FRMD5: variants seen among roughly 807,000 people sequenced by gnomAD.
FRMD5 encodes FERM domain-containing protein 5.
In FRMD5, 20 loss-of-function variants were observed where a neutral mutation model predicts 69.0. The ratio of observed to expected loss-of-function variants is 0.29; its 90% CI spans 0.20 to 0.42. The LOEUF (loss-of-function observed/expected upper bound fraction) is 0.42, where lower values mean the gene tolerates loss of function less well. Ranked by LOEUF, FRMD5 falls within the 10% of genes least tolerant of loss-of-function variation. FRMD5 has a pLI of 1.00. For synonymous variants in FRMD5, 271 were observed against 260.1 expected, an observed-to-expected ratio of 1.04 and a Z score of -0.40; for missense variants, 595 against 708.6, an observed-to-expected ratio of 0.84 and a Z score of 1.82.
At chr15:44,076,573 T>C (rs1893777039) in intron 1 of FRMD5, among the ~76,000 whole-genome samples, 1 of 144,746 alleles carries the variant, frequency 6.9e-6, no homozygotes, top group Admixed American at 7.2e-5. Flanking sequence ...AATTGAACTA[T>C]GAGATCACAT....
At chr15:43,925,068 A>C (rs1482273827) in intron 1 of FRMD5, among the ~76,000 whole-genome samples, 2 of 143,842 alleles carry the variant, frequency 1.4e-5, no homozygotes, top group Non-Finnish European at 3.0e-5. Flanking sequence ...GCAATAGCGC[A>C]GTCTTGGCTC....
rs1010537160 is a variant in FRMD5, at chr15:43,873,000, A to G, written c.*885T>C. 14 of 599,980 alleles carry G rather than the reference A, an allele frequency of 2.3e-5. No homozygotes were observed. Among genetic ancestry groups the G allele is most frequent in the Admixed American group, 9.9e-5 (3 of 30,316 alleles). The allele number at this position is 599,980 out of a possible 1,614,324, so 37.2% of individuals were successfully genotyped here. On this transcript the variant is annotated 3_prime_UTR_variant, in exon 14 of 14. Coordinates refer to ENST00000417257, the MANE Select transcript of FRMD5 (RefSeq NM_032892.5). ...CTTTCTCTTAACTACACTTTGTCCA[A>G]CATTTCTGACAGAACTATCTATCTC... is the stretch of plus-strand genomic sequence containing the variant.
chr15:43,967,731 T>G (rs2090316673), intron 1 of FRMD5, among the ~76,000 whole-genome samples: 1 of 152,152 alleles, frequency 6.6e-6, no homozygotes, highest in Non-Finnish European at 1.5e-5. Context: ...TCCTATTTTT[T>G]TTTGGTCTGA....
chr15:43,960,647 G>C (rs966775203), intron 1 of FRMD5, among the ~76,000 whole-genome samples: 2 of 152,148 alleles, frequency 1.3e-5, no homozygotes, highest in Non-Finnish European at 2.9e-5. Flanking sequence ...GCCTCCCAAA[G>C]TGCTGGGATT....
chr15:43,921,416 C>T (rs1201289727), intron 2 of FRMD5, among the ~76,000 whole-genome samples: 1 of 152,178 alleles, frequency 6.6e-6, no homozygotes, highest in East Asian at 1.9e-4. Context: ...TTCCCCTTGA[C>T]AATAGCTAGA....
At chr15:43,901,543 G>A (rs1160589750) in intron 7 of FRMD5, among the ~76,000 whole-genome samples, 1 of 152,292 alleles carries the variant, frequency 6.6e-6, no homozygotes, top group Non-Finnish European at 1.5e-5. Flanking sequence ...AAGCAACAGG[G>A]ACAGGAGGTA....
intron 1 of FRMD5, among the ~76,000 whole-genome samples, chr15:44,094,013 CT>C (rs1346652321): frequency 1.3e-5 from 2 of 152,118 alleles, no homozygotes; most frequent in Admixed American, 6.6e-5. Flanking sequence ...AAGACCATAC[CT>C]CCACATTGCA....
At chr15:43,891,729 C>A (rs1166525746) in intron 8 of FRMD5, among the ~76,000 whole-genome samples, 1 of 152,180 alleles carries the variant, frequency 6.6e-6, no homozygotes, top group African/African-American at 2.4e-5. Flanking sequence ...AGGCCTCTCA[C>A]CCTCCCCAGA....
At chr15:44,019,927 C>A (rs573537970) in intron 1 of FRMD5, among the ~76,000 whole-genome samples, 1 of 152,012 alleles carries the variant, frequency 6.6e-6, no homozygotes, top group Admixed American at 6.6e-5. Flanking sequence ...TGCAAGAAAT[C>A]TATTTCTGTA....
Position 44,127,979 on chromosome 15 carries a change from C to T in FRMD5, c.102+66974G>A, listed in dbSNP as rs965146563. ...TAGCAATCTGGCTTTTCAACATTTT[C>T]CCTTTTGCTTATGCTTCCATTTTTA... On this transcript the variant is annotated intron_variant, in intron 1 of 13. Coordinates refer to ENST00000417257, the MANE Select transcript of FRMD5 (RefSeq NM_032892.5). Among the ~76,000 whole-genome samples the T allele has an allele frequency of 3.9e-5, 6 of 152,236 alleles. No individual in the cohort carries two copies. The South Asian group carries it at 8.3e-4, about 21-fold the overall frequency.
intron 1 of FRMD5, among the ~76,000 whole-genome samples, chr15:43,937,644 CA>C (rs58803908): frequency 0.032 from 1,919 of 60,484 alleles, 24 homozygotes; most frequent in African/African-American, 0.08. Context: ...GACACTGTCT[CA>C]AAAAAAAAAA....
intron 1 of FRMD5, among the ~76,000 whole-genome samples, chr15:44,035,601 CT>C (rs1169041892): frequency 6.6e-6 from 1 of 152,108 alleles, no homozygotes; most frequent in African/African-American, 2.4e-5. Context: ...CAAAAAATGC[CT>C]GTTATGATGT....
intron 1 of FRMD5, among the ~76,000 whole-genome samples, chr15:43,941,959 G>A (rs1363979531): frequency 6.6e-6 from 1 of 152,134 alleles, no homozygotes; most frequent in African/African-American, 2.4e-5. Flanking sequence ...AATTACTGAT[G>A]CTCATATTTA....
intron 1 of FRMD5, among the ~76,000 whole-genome samples, chr15:44,087,556 C>A (rs761687100): frequency 6.6e-6 from 1 of 152,110 alleles, no homozygotes; most frequent in Non-Finnish European, 1.5e-5. Context: ...TACTACCTGC[C>A]TGAACCTGTG....
chr15:43,909,186 G>A (rs1174837202), intron 5 of FRMD5, among the ~76,000 whole-genome samples: 3 of 152,002 alleles, frequency 2.0e-5, no homozygotes, highest in African/African-American at 7.2e-5. Context: ...CCTGAGGTCA[G>A]GGGTTCGAGA....
At chr15:43,909,240 CA>C (rs1042069669) in intron 5 of FRMD5, among the ~76,000 whole-genome samples, 8 of 147,014 alleles carry the variant, frequency 5.4e-5, no homozygotes, top group East Asian at 2.0e-4. Flanking sequence ...ACTAAAAATA[CA>C]AAAAAAAAAT....
chr15:43,898,503 C>T (rs940423451), intron 7 of FRMD5, among the ~76,000 whole-genome samples: 1 of 152,202 alleles, frequency 6.6e-6, no homozygotes, highest in African/African-American at 2.4e-5. Context: ...AGACTCTTAA[C>T]AACAAGGCTG....
chr15:44,076,531 C>A (rs2140430410), intron 1 of FRMD5, among the ~76,000 whole-genome samples: 1 of 150,236 alleles, frequency 6.7e-6, no homozygotes, highest in African/African-American at 2.5e-5. Flanking sequence ...GAACAAAAAA[C>A]CATATACTGC....
intron 1 of FRMD5, among the ~76,000 whole-genome samples, chr15:44,080,881 T>A (rs1192381546): frequency 6.6e-6 from 1 of 152,110 alleles, no homozygotes; most frequent in African/African-American, 2.4e-5. Flanking sequence ...TGGCTAATCA[T>A]TTTGGTTCAT....
Sources: gnomAD v4.1 joint callset for allele counts (sites outside exome capture counted in the v4.1 genomes callset) on GRCh38, gnomAD v4.1.1 for gene constraint, MANE v1.5 for transcripts, NCBI Gene and HGNC (gene_info 2026-07-23, HGNC 2026-07-21) for gene names.